Variants in SLC25A21 observed in about 807,000 individuals in gnomAD.
SLC25A21 encodes the protein solute carrier family 25 member 21, also known as mitochondrial 2-oxodicarboxylate carrier.
SLC25A21 carries 47 observed loss-of-function variants against 43.8 expected under a neutral mutation model. The observed-to-expected ratio is 1.07, with a 90% CI of 0.85 to 1.37. SLC25A21 has a LOEUF of 1.37. Among genes scored for constraint, SLC25A21 ranks in the 40% most tolerant of loss-of-function variants. SLC25A21 has a pLI of 0.00. For missense variants in SLC25A21, 352 were observed against 350.2 expected, an observed-to-expected ratio of 1.00 and a Z score of -0.04; for synonymous variants, 131 against 121.3, an observed-to-expected ratio of 1.08 and a Z score of -0.52.
chr14:36,839,362 G>A (rs1300811168), intron 2 of SLC25A21, among the ~76,000 whole-genome samples: 2 of 152,168 alleles, frequency 1.3e-5, no homozygotes, highest in African/African-American at 2.4e-5. Flanking sequence ...AGTGAACACA[G>A]AACTGTGAAC....
chr14:36,683,006 T>C lies in SLC25A21; in HGVS notation c.838+822A>G, dbSNP rs189784037. On this transcript the variant is annotated intron_variant, in intron 9 of 9. Coordinates refer to ENST00000331299, the MANE Select transcript of SLC25A21 (RefSeq NM_030631.4). The stretch of plus-strand genomic sequence containing the variant: ...GACAATAGTGTTAAAAGGGAGGAAC[T>C]GCAAAGGGAGAGAGGGGAGGTGTAG... Among the ~76,000 whole-genome samples the C allele has an allele frequency of 3.9e-5, 6 of 152,162 alleles. No homozygotes were observed. The East Asian group carries it at 1.2e-3, about 29-fold the overall frequency.
intron 1 of SLC25A21, chr14:37,098,411 A>T (rs1003191621): frequency 6.6e-6 from 1 of 152,182 alleles, no homozygotes; most frequent in African/African-American, 2.4e-5. Flanking sequence ...GAATTCCTCA[A>T]AAGATCTGGT....
rs139587664 is a variant in SLC25A21, at chr14:36,816,756, G to C, written c.120-2755C>G. On this transcript the variant is annotated intron_variant, in intron 2 of 9. Transcript: ENST00000331299. ...TGGGCTCAAGCAATCCTCCCGCCTC[G>C]GTCTCCCAAAGTGCTGGGATTGCAG... Among the ~76,000 whole-genome samples, 407 of 152,052 alleles carry C rather than the reference G, an allele frequency of 2.7e-3. 2 individuals carry two copies. Among genetic ancestry groups the C allele is most frequent in the African/African-American group, 9.6e-3 (400 of 41,480 alleles).
intron 3 of SLC25A21, among the ~76,000 whole-genome samples, chr14:36,740,859 T>A (rs572613978): frequency 6.6e-6 from 1 of 152,274 alleles, no homozygotes; most frequent in East Asian, 1.9e-4. Flanking sequence ...TGTTTTTAAG[T>A]CTAAATTTTA....
intron 2 of SLC25A21, among the ~76,000 whole-genome samples, chr14:36,842,698 T>A (rs1447225765): frequency 6.6e-6 from 1 of 152,104 alleles, no homozygotes; most frequent in East Asian, 1.9e-4. Flanking sequence ...ACCTTTGATA[T>A]AAGCAGGAAA....
chr14:37,164,515 T>C (rs1020046035), intron 1 of SLC25A21, among the ~76,000 whole-genome samples: 4 of 152,150 alleles, frequency 2.6e-5, no homozygotes, highest in African/African-American at 9.7e-5. Context: ...CACACGTGCA[T>C]CCCCTTTGCA....
intron 1 of SLC25A21, among the ~76,000 whole-genome samples, chr14:37,169,926 T>A (rs189537913): frequency 6.6e-6 from 1 of 152,316 alleles, no homozygotes; most frequent in East Asian, 1.9e-4. Flanking sequence ...CTTATAAATA[T>A]CCTAATTTGC....
intron 6 of SLC25A21, among the ~76,000 whole-genome samples, chr14:36,724,319 G>C (rs1258948204): frequency 7.2e-5 from 11 of 152,094 alleles, no homozygotes; most frequent in Admixed American, 7.2e-4. Flanking sequence ...AAGGTGAGTA[G>C]GGCCCCCCTC....
intron 1 of SLC25A21, among the ~76,000 whole-genome samples, chr14:36,975,952 G>A (rs1358074274): frequency 1.3e-5 from 2 of 152,188 alleles, no homozygotes; most frequent in Middle Eastern, 3.2e-3. Flanking sequence ...GCGGGAGGCC[G>A]ACTCTCAGGC....
At chr14:36,738,943 T>C (rs746071197) in intron 3 of SLC25A21, among the ~76,000 whole-genome samples, 13 of 152,220 alleles carry the variant, frequency 8.5e-5, no homozygotes, top group Non-Finnish European at 1.8e-4. Context: ...CAACAATCCT[T>C]TAAAGTATTT....
chr14:36,882,487 A>G (rs1223723544), intron 1 of SLC25A21, among the ~76,000 whole-genome samples: 1 of 152,208 alleles, frequency 6.6e-6, no homozygotes, highest in Non-Finnish European at 1.5e-5. Flanking sequence ...CAGACACTGT[A>G]GTCTATGTGA....
chr14:37,019,650 G>A (rs1287359948), intron 1 of SLC25A21, among the ~76,000 whole-genome samples: 1 of 114,710 alleles, frequency 8.7e-6, no homozygotes, highest in Admixed American at 7.6e-5. Context: ...GGAGACAACT[G>A]GTAAAAAAAA....
intron 7 of SLC25A21, among the ~76,000 whole-genome samples, chr14:36,688,517 C>G (rs1262527702): frequency 6.6e-6 from 1 of 152,196 alleles, no homozygotes; most frequent in Non-Finnish European, 1.5e-5. Context: ...CCCTGTTACC[C>G]CTGTGGATGC....
At chr14:36,954,735 C>T (rs1333771905) in intron 1 of SLC25A21, among the ~76,000 whole-genome samples, 1 of 152,062 alleles carries the variant, frequency 6.6e-6, no homozygotes, top group Non-Finnish European at 1.5e-5. Flanking sequence ...TTAACTAGCT[C>T]GATTGAGCCA....
At chr14:36,999,690 T>TC (rs1647961409) in intron 1 of SLC25A21, among the ~76,000 whole-genome samples, 1 of 152,020 alleles carries the variant, frequency 6.6e-6, no homozygotes. Flanking sequence ...AAAAGTAAAG[T>TC]CTTTTTTTTT....
At chr14:36,888,737 A>G (rs1021659383) in intron 1 of SLC25A21, among the ~76,000 whole-genome samples, 3 of 152,202 alleles carry the variant, frequency 2.0e-5, no homozygotes, top group African/African-American at 7.2e-5. Flanking sequence ...TCAAGCAAAT[A>G]CACATCATCT....
intron 1 of SLC25A21, among the ~76,000 whole-genome samples, chr14:37,134,108 G>A (rs1166439271): frequency 9.9e-5 from 15 of 152,154 alleles, no homozygotes; most frequent in Non-Finnish European, 1.5e-5. Context: ...GAAAATAATG[G>A]TGATCAAAAT....
rs905664871 is a variant in SLC25A21, at chr14:37,081,833, G to A, written c.70+90448C>T. Among the ~76,000 whole-genome samples, 16 of 152,260 alleles carry A rather than the reference G, an allele frequency of 1.1e-4. No homozygotes were observed. The East Asian group carries it at 1.9e-3, about 18-fold the overall frequency. On this transcript the variant is annotated intron_variant, in intron 1 of 9. Transcript: ENST00000331299. The stretch of plus-strand genomic sequence containing the variant: ...CTGAATAAACATAAAAAGGCTCAGC[G>A]AGAATTGTTATATTCAATTACCACA...
chr14:37,128,577 T>TGTGC (rs1024661078), intron 1 of SLC25A21, among the ~76,000 whole-genome samples: 30 of 149,166 alleles, frequency 2.0e-4, no homozygotes, highest in African/African-American at 6.1e-4. Flanking sequence ...TGTGTGTGTG[T>TGTGC]GCATTTTGCT....
Sources: gnomAD v4.1 joint callset for allele counts (sites outside exome capture counted in the v4.1 genomes callset) on GRCh38, gnomAD v4.1.1 for gene constraint, MANE v1.5 for transcripts, NCBI Gene and HGNC (gene_info 2026-07-23, HGNC 2026-07-21) for gene names.